TMEM272: variants seen among roughly 807,000 people sequenced by gnomAD.
The protein encoded by TMEM272 is transmembrane protein 272.
TMEM272 carries 8 observed loss-of-function variants against 3.7 expected under a neutral mutation model. The observed-to-expected ratio is 2.17, with a 90% CI of 1.27 to 3.91. The LOEUF (loss-of-function observed/expected upper bound fraction) is 3.91, where lower values mean the gene tolerates loss of function less well. Among genes scored for constraint, TMEM272 ranks in the 30% most tolerant of loss-of-function variants. TMEM272 has a pLI of 0.00. For missense variants in TMEM272, 166 were observed against 91.5 expected (o/e 1.81, Z -3.32); for synonymous variants, 63 against 39.8 (o/e 1.58, Z -2.20).
the TMEM272 span, among the ~76,000 whole-genome samples, chr13:51,865,177 C>A: frequency 2.6e-5 from 4 of 152,236 alleles, no homozygotes; most frequent in African/African-American, 9.6e-5. Flanking sequence ...GCCATGACCA[C>A]CCCACATGTT....
At chr13:51,833,510 G>A (rs972102360) in intron 2 of TMEM272, among the ~76,000 whole-genome samples, 5 of 152,236 alleles carry the variant, frequency 3.3e-5, no homozygotes, top group East Asian at 3.9e-4. Flanking sequence ...CTCCAGCAGC[G>A]CCTTGAGCAC....
chr13:51,897,301 C>A, the TMEM272 span, among the ~76,000 whole-genome samples: 1 of 151,346 alleles, frequency 6.6e-6, no homozygotes, highest in Admixed American at 6.6e-5. Context: ...GCTCAAGCAA[C>A]CATCCTATCT....
the TMEM272 span, among the ~76,000 whole-genome samples, chr13:51,919,478 A>G: frequency 6.6e-6 from 1 of 152,112 alleles, no homozygotes. Flanking sequence ...ATAGCCCCAG[A>G]CCATGTTTGT....
chr13:51,831,038 C>T (rs902285821), intron 2 of TMEM272, among the ~76,000 whole-genome samples: 9 of 152,330 alleles, frequency 5.9e-5, no homozygotes, highest in African/African-American at 1.9e-4. Flanking sequence ...GCTCGCTGCA[C>T]CTCAGAGCCA....
At chr13:51,881,831 G>A in the TMEM272 span, among the ~76,000 whole-genome samples, 2 of 152,148 alleles carry the variant, frequency 1.3e-5, no homozygotes, top group African/African-American at 4.8e-5. Flanking sequence ...AGAACTGTGA[G>A]AAATAAATTT....
chr13:51,837,353 T>C (rs986091539), intron 2 of TMEM272, among the ~76,000 whole-genome samples: 1 of 152,172 alleles, frequency 6.6e-6, no homozygotes, highest in African/African-American at 2.4e-5. Context: ...GTGTCTCCTT[T>C]CCCTGCCGGC....
the TMEM272 span, chr13:51,932,830 T>C: frequency 6.6e-6 from 1 of 152,168 alleles, no homozygotes; most frequent in Non-Finnish European, 1.5e-5. Context: ...AACACAACGT[T>C]TATGGTCCTA....
the TMEM272 span, among the ~76,000 whole-genome samples, chr13:51,902,596 ACAACCAGCCCCACCTTGC>A: frequency 1.3e-5 from 2 of 152,238 alleles, no homozygotes; most frequent in East Asian, 1.9e-4. Context: ...CATTCTGCCA[ACAACCAGCCCCACCTTGC>A]CAGCCAGGCC....
chr13:51,869,144 A>G, the TMEM272 span, among the ~76,000 whole-genome samples: 2 of 152,320 alleles, frequency 1.3e-5, no homozygotes, highest in South Asian at 4.1e-4. Context: ...TGTCTAGTTG[A>G]ACCCCCTTAT....
chr13:51,861,593 CTT>C, the TMEM272 span, among the ~76,000 whole-genome samples: 1 of 152,082 alleles, frequency 6.6e-6, no homozygotes, highest in Non-Finnish European at 1.5e-5. Flanking sequence ...ATGAACGTAA[CTT>C]TAGAGACCTG....
chr13:51,830,707 A>G (rs1398650208), intron 2 of TMEM272, among the ~76,000 whole-genome samples: 1 of 152,202 alleles, frequency 6.6e-6, no homozygotes, highest in Non-Finnish European at 1.5e-5. Flanking sequence ...AAGAATCGAG[A>G]AAACAACAGG....
At chr13:51,825,863 CCCCA>C (rs1956120590) in intron 3 of TMEM272, among the ~76,000 whole-genome samples, 1 of 152,070 alleles carries the variant, frequency 6.6e-6, no homozygotes, top group Admixed American at 6.5e-5. Context: ...CCCGCCTCAG[CCCCA>C]CTAACTGCTG....
At chr13:51,905,944 C>T in the TMEM272 span, among the ~76,000 whole-genome samples, 3 of 152,152 alleles carry the variant, frequency 2.0e-5, no homozygotes, top group African/African-American at 7.2e-5. Context: ...GACACCTAGA[C>T]GCAGAACAAA....
chr13:51,911,074 G>A, the TMEM272 span, among the ~76,000 whole-genome samples: 18,431 of 152,184 alleles, frequency 0.12, 1,220 homozygotes, highest in South Asian at 0.13. Context: ...TTATGCAGCA[G>A]TAGCTAACTG....
chr13:51,883,652 T>C, the TMEM272 span, among the ~76,000 whole-genome samples: 56 of 152,308 alleles, frequency 3.7e-4, no homozygotes, highest in African/African-American at 1.0e-3. Context: ...GGGACTCTAG[T>C]TGTGGACTCT....
chr13:51,878,287 A>G, the TMEM272 span, among the ~76,000 whole-genome samples: 2 of 152,108 alleles, frequency 1.3e-5, no homozygotes, highest in Non-Finnish European at 2.9e-5. Flanking sequence ...AAAATTAGCC[A>G]GGCGTCGTGG....
rs1263757488 is a variant in TMEM272 at position 51,826,611 on chromosome 13, C to T, written c.73G>A (p.Val25Met). The T allele has an allele frequency of 1.4e-6, 1 of 702,542 alleles. No individual in the cohort carries two copies. The highest frequency in any genetic ancestry group is 1.5e-5 in the South Asian group (1 of 67,600). 43.5% of individuals were successfully genotyped at this position (702,542 alleles called of 1,614,324 possible). ...GGCAGAGCCAGGAAAGCACAGAGCA[C>T]AACAACGAAGCAGGCTGCAAGGAGA... The part of the protein sequence containing the change: ...KIASNACFVV[V>M]LCAFLALPLS... The change falls in exon 3 of 5, where the codon GTG (valine) becomes ATG (methionine). Residue 25 changes from valine to methionine, a missense_variant. Transcript: ENST00000629372.
chr13:51,913,814 C>G, the TMEM272 span, among the ~76,000 whole-genome samples: 1 of 152,192 alleles, frequency 6.6e-6, no homozygotes, highest in Admixed American at 6.5e-5. Context: ...TACACATGCT[C>G]TAAAGATGAC....
At chr13:51,908,770 G>A in the TMEM272 span, 1 of 1,452,598 alleles carries the variant, frequency 6.9e-7, no homozygotes, top group South Asian at 1.1e-5. Flanking sequence ...TGCCTTTGTG[G>A]AGGAAGAGCT....
Sources: allele counts gnomAD v4.1 joint callset (sites outside exome capture counted in the v4.1 genomes callset), GRCh38; gene constraint gnomAD v4.1.1; transcripts MANE v1.5; gene names NCBI Gene and HGNC (gene_info 2026-07-23, HGNC 2026-07-21).